CDH4: variants seen among roughly 807,000 people sequenced by gnomAD.
CDH4 encodes the protein cadherin 4, also known as cadherin-4.
In CDH4, 33 loss-of-function variants were observed where a neutral mutation model predicts 86.0. The observed-to-expected ratio is 0.38, with a 90% confidence interval of 0.29 to 0.51. The LOEUF (loss-of-function observed/expected upper bound fraction) is 0.51, where lower values mean the gene tolerates loss of function less well. Among genes scored for constraint, CDH4 ranks in the 20% least tolerant of loss-of-function variants. The probability of loss-of-function intolerance (pLI) is 0.86; values close to 1 mark genes in which losing one functional copy is unlikely to be tolerated. For missense variants in CDH4, 1,114 were observed against 1,307.4 expected (o/e 0.85, Z 2.28); for synonymous variants, 555 against 549.4 (o/e 1.01, Z -0.14).
rs537607988 is a variant in CDH4 at position 61,703,970 on chromosome 20, G to A, written c.170-39593G>A. ...CAGGGGTGTGGTTGGGATGAGGGTG[G>A]CAGAGTCACAGCCGCTGGGAGTGGC... is the stretch of plus-strand genomic sequence containing the variant. On this transcript the variant is annotated intron_variant, in intron 2 of 15. Transcript: ENST00000614565. This position sits in a 1 kb window ranked among gnomAD's most constrained non-coding sequence, Gnocchi z 4.3. Among the ~76,000 whole-genome samples the A allele has an allele frequency of 2.0e-5, 3 of 152,170 alleles. No homozygotes were observed. Among genetic ancestry groups the A allele is most frequent in the Admixed American group, 2.0e-4 (3 of 15,292 alleles).
At chr20:61,831,199 C>G (rs547623204) in intron 4 of CDH4, among the ~76,000 whole-genome samples, 12 of 152,302 alleles carry the variant, frequency 7.9e-5, no homozygotes, top group African/African-American at 2.6e-4. Context: ...GCTGCCCTGA[C>G]CACATCTGGC....
chr20:61,332,092 A>G (rs916269073), intron 2 of CDH4, among the ~76,000 whole-genome samples: 162 of 152,168 alleles, frequency 1.1e-3, no homozygotes, highest in African/African-American at 3.8e-3. Context: ...GAGAACACAG[A>G]CACTCGACAG....
chr20:61,894,997 A>G lies in CDH4; in HGVS notation c.1138A>G (p.Ile380Val). 1 of 1,613,972 alleles carries G rather than the reference A, an allele frequency of 6.2e-7. No homozygotes were observed. ...CCTCTCAAACACAGCCACAGCCATC[A>G]TCACGGTGACAGATGTGAATGACAA... The part of the protein sequence containing the change: ...YGLSNTATAI[I>V]TVTDVNDNPP... Residue 380 changes from isoleucine (I) to valine (V), a missense_variant, in exon 8 of 16, where the codon ATC (isoleucine) becomes GTC (valine). Ile to Val is a conservative substitution (Grantham distance 29). Coordinates refer to ENST00000614565, the MANE Select transcript of CDH4 (RefSeq NM_001794.5).
At chr20:61,600,622 G>C (rs888049723) in intron 2 of CDH4, among the ~76,000 whole-genome samples, 1 of 152,180 alleles carries the variant, frequency 6.6e-6, no homozygotes, top group East Asian at 1.9e-4. Flanking sequence ...TTGTCCCTCA[G>C]GGGATTCATT....
intron 2 of CDH4, among the ~76,000 whole-genome samples, chr20:61,415,211 G>A (rs996798376): frequency 7.9e-5 from 12 of 152,186 alleles, no homozygotes; most frequent in Non-Finnish European, 1.8e-4. Flanking sequence ...CCCCAGACCT[G>A]CCGAAGCAGG....
intron 2 of CDH4, among the ~76,000 whole-genome samples, chr20:61,568,169 C>T (rs372388900): frequency 2.6e-5 from 4 of 152,226 alleles, no homozygotes; most frequent in South Asian, 2.1e-4. Flanking sequence ...GTTGCAGATA[C>T]GGTGACAGGG....
At chr20:61,424,401 G>A (rs909976484) in intron 2 of CDH4, among the ~76,000 whole-genome samples, 2 of 150,626 alleles carry the variant, frequency 1.3e-5, no homozygotes, top group African/African-American at 4.9e-5. Context: ...TCCACACACA[G>A]CACACATGTA....
intron 2 of CDH4, chr20:61,499,493 G>T: frequency 7.8e-7 from 1 of 1,289,094 alleles, no homozygotes; most frequent in South Asian, 1.2e-5. Context: ...TTTAAAGAAG[G>T]CAAGTGTGAG....
intron 2 of CDH4, among the ~76,000 whole-genome samples, chr20:61,574,563 C>T (rs914533028): frequency 6.6e-5 from 10 of 151,620 alleles, no homozygotes; most frequent in Non-Finnish European, 1.5e-5. Flanking sequence ...TATTTAATTA[C>T]AGAGAAAAAA....
chr20:61,416,669 A>G (rs1174712862), intron 2 of CDH4, among the ~76,000 whole-genome samples: 1 of 152,176 alleles, frequency 6.6e-6, no homozygotes, highest in Admixed American at 6.5e-5. Context: ...ATCGGTGTGC[A>G]TTAGACACTC....
chr20:61,937,032 C>A lies in CDH4; in HGVS notation c.*89C>A. The A allele has an allele frequency of 8.5e-7, 1 of 1,173,104 alleles. No homozygotes were observed. 72.7% of individuals were successfully genotyped at this position (1,173,104 alleles called of 1,614,324 possible). A position where few individuals can be genotyped will look rare whatever the true frequency, so the allele number is the denominator to read the frequency against. ...CAGAGGCGGCCGGTCTTCCCGACTC[C>A]CTGCGGCTGTGTCCTTAGTGCTGTT... On this transcript the variant is annotated 3_prime_UTR_variant, in exon 16 of 16. Coordinates refer to ENST00000614565, the MANE Select transcript of CDH4 (RefSeq NM_001794.5).
At chr20:61,565,255 TGA>T (rs1568688703) in intron 2 of CDH4, among the ~76,000 whole-genome samples, 4 of 82,474 alleles carry the variant, frequency 4.9e-5, no homozygotes, top group African/African-American at 4.6e-5. Context: ...GTGCTCTTGG[TGA>T]TGGTGGTGGT....
chr20:61,853,634 G>A (rs548213466), intron 6 of CDH4, among the ~76,000 whole-genome samples: 28 of 152,330 alleles, frequency 1.8e-4, no homozygotes, highest in East Asian at 5.8e-4. Flanking sequence ...GGCTCAGGCC[G>A]GGGAGGTGAA....
intron 6 of CDH4, among the ~76,000 whole-genome samples, chr20:61,869,967 G>A (rs540453330): frequency 3.7e-4 from 57 of 152,358 alleles, no homozygotes; most frequent in African/African-American, 1.3e-3. Flanking sequence ...CGGAGGAGGG[G>A]GACCTCTGTG....
At chr20:61,774,390 G>A (rs921573882) in intron 4 of CDH4, among the ~76,000 whole-genome samples, 6 of 152,222 alleles carry the variant, frequency 3.9e-5, no homozygotes, top group South Asian at 4.1e-4. Context: ...TGCTAGAGAC[G>A]ATGCCAATGG....
At chr20:61,484,094 A>G (rs1471993519) in intron 2 of CDH4, among the ~76,000 whole-genome samples, 1 of 151,864 alleles carries the variant, frequency 6.6e-6, no homozygotes, top group African/African-American at 2.4e-5. Context: ...GTCAAGTCCT[A>G]CTTAGTTGGC....
At chr20:61,503,935 A>G (rs1173636543) in intron 2 of CDH4, among the ~76,000 whole-genome samples, 2 of 152,162 alleles carry the variant, frequency 1.3e-5, no homozygotes, top group African/African-American at 4.8e-5. Context: ...CCAAACAGGG[A>G]GAAGAACATG....
chr20:61,258,472 C>T (rs538818307), intron 2 of CDH4, among the ~76,000 whole-genome samples: 1 of 152,308 alleles, frequency 6.6e-6, no homozygotes, highest in Admixed American at 6.5e-5. Context: ...CACCCTCTGC[C>T]TCCTTACTGG....
chr20:61,827,990 A>G (rs1981402846), intron 4 of CDH4, among the ~76,000 whole-genome samples: 1 of 152,200 alleles, frequency 6.6e-6, no homozygotes, highest in South Asian at 2.1e-4. Flanking sequence ...TATTTTGAAA[A>G]CAGGAAAATA....
Sources: gnomAD v4.1 joint callset for allele counts (sites outside exome capture counted in the v4.1 genomes callset) on GRCh38, gnomAD v4.1.1 for gene constraint, Gnocchi (gnomAD v3.1) non-coding constraint, MANE v1.5 for transcripts, NCBI Gene and HGNC (gene_info 2026-07-23, HGNC 2026-07-21) for gene names.